Variants in PEX14 observed in about 807,000 individuals in gnomAD.
The protein encoded by PEX14 is peroxisomal biogenesis factor 14.
A neutral mutation model predicts 49.5 loss-of-function variants in PEX14; 15 were observed. The ratio of observed to expected loss-of-function variants is 0.30; its 90% confidence interval spans 0.20 to 0.47. PEX14 has a LOEUF of 0.47. Ranked by LOEUF, PEX14 falls within the 20% of genes least tolerant of loss-of-function variation. The probability of loss-of-function intolerance (pLI) is 1.00; values close to 1 mark genes in which losing one functional copy is unlikely to be tolerated. For missense variants in PEX14, 398 were observed against 494.8 expected (o/e 0.80, Z 1.86); for synonymous variants, 210 against 212.7 (o/e 0.99, Z 0.11).
intron 2 of PEX14, among the ~76,000 whole-genome samples, chr1:10,518,024 T>G (rs1642001894): frequency 6.6e-6 from 1 of 152,116 alleles, no homozygotes; most frequent in South Asian, 2.1e-4. Flanking sequence ...ATGTGAACCC[T>G]GAGTTACAAA....
intron 1 of PEX14, among the ~76,000 whole-genome samples, chr1:10,489,812 T>C (rs1376982915): frequency 1.3e-5 from 2 of 152,216 alleles, no homozygotes; most frequent in African/African-American, 4.8e-5. Flanking sequence ...GGGCCTGAAA[T>C]GTGTCTCCTG....
chr1:10,616,736 G>A (rs1263981149), intron 4 of PEX14: 1 of 152,262 alleles, frequency 6.6e-6, no homozygotes, highest in African/African-American at 2.4e-5. Context: ...AGCACTTTGT[G>A]AACTGGGCAT....
intron 3 of PEX14, among the ~76,000 whole-genome samples, chr1:10,579,549 CAAAGT>C (rs1267116358): frequency 6.6e-6 from 1 of 152,098 alleles, no homozygotes; most frequent in African/African-American, 2.4e-5. Context: ...AGGTTATTAA[CAAAGT>C]AAAGGAATAA....
chr1:10,585,595 G>A (rs1263762070), intron 3 of PEX14, among the ~76,000 whole-genome samples: 3 of 152,194 alleles, frequency 2.0e-5, no homozygotes, highest in East Asian at 3.9e-4. Context: ...CAAGAAACTC[G>A]GTAGTAATAC....
chr1:10,574,996 C>T (rs1640080346), intron 3 of PEX14, among the ~76,000 whole-genome samples: 1 of 151,474 alleles, frequency 6.6e-6, no homozygotes, highest in African/African-American at 2.4e-5. Flanking sequence ...CTTGTAGTCC[C>T]AGCTGTTCAG....
chr1:10,561,888 A>G (rs11121590), intron 3 of PEX14, among the ~76,000 whole-genome samples: 38 of 151,950 alleles, frequency 2.5e-4, no homozygotes, highest in African/African-American at 9.2e-4. Flanking sequence ...TTTGAGTGTT[A>G]TTATGTACTC....
chr1:10,509,839 TTTTACGC>T (rs1201094409), intron 2 of PEX14, among the ~76,000 whole-genome samples: 2 of 152,374 alleles, frequency 1.3e-5, no homozygotes, highest in Middle Eastern at 3.4e-3. Flanking sequence ...TATTTTATTC[TTTTACGC>T]TTTATTTTCC....
chr1:10,612,299 A>G lies in PEX14; in HGVS notation c.299-6033A>G, dbSNP rs556856052. ...CTATCAAAAATCAGTTGACCATGTAAGCATGGGTCTATTTCTGGACTCTTC... is the reference window on the plus strand; with the variant it reads ...CTATCAAAAATCAGTTGACCATGTAGGCATGGGTCTATTTCTGGACTCTTC... On this transcript the variant is annotated intron_variant, in intron 4 of 8. Coordinates refer to ENST00000356607, the MANE Select transcript of PEX14 (RefSeq NM_004565.3). 2.8e-4 allele frequency among the ~76,000 whole-genome samples: 43 copies of G among 152,182 alleles called. 1 individual carries two copies. The highest frequency in any genetic ancestry group is 4.3e-4 in the Non-Finnish European group (29 of 68,020).
At chr1:10,560,677 A>T (rs191870571) in intron 3 of PEX14, among the ~76,000 whole-genome samples, 1 of 146,074 alleles carries the variant, frequency 6.8e-6, no homozygotes, top group African/African-American at 2.5e-5. Context: ...AGCCTCCCAG[A>T]TACCTTTTAT....
intron 3 of PEX14, among the ~76,000 whole-genome samples, chr1:10,566,324 T>C (rs982450566): frequency 6.6e-6 from 1 of 152,268 alleles, no homozygotes; most frequent in Non-Finnish European, 1.5e-5. Context: ...ATTAGGAGAT[T>C]AATGTTTTAA....
At chr1:10,477,913 G>T (rs973425428) in intron 1 of PEX14, among the ~76,000 whole-genome samples, 1 of 152,084 alleles carries the variant, frequency 6.6e-6, no homozygotes, top group East Asian at 1.9e-4. Context: ...TTTTGAGACC[G>T]AGTCTCACTC....
intron 3 of PEX14, among the ~76,000 whole-genome samples, chr1:10,565,509 A>G (rs1392344502): frequency 1.3e-5 from 2 of 152,166 alleles, no homozygotes; most frequent in African/African-American, 4.8e-5. Flanking sequence ...AACTTTTACA[A>G]GCTATTTCAT....
intron 4 of PEX14, among the ~76,000 whole-genome samples, chr1:10,605,553 C>T (rs967340124): frequency 3.3e-5 from 5 of 152,220 alleles, no homozygotes; most frequent in African/African-American, 1.2e-4. Flanking sequence ...TCAAGGAAGA[C>T]ATCACTGTGG....
intron 3 of PEX14, among the ~76,000 whole-genome samples, chr1:10,563,196 G>A (rs534950538): frequency 1.1e-4 from 17 of 150,738 alleles, no homozygotes; most frequent in Middle Eastern, 3.5e-3. Flanking sequence ...GATTACAGGC[G>A]TGAGCCACGG....
intron 2 of PEX14, chr1:10,528,291 T>C (rs563487018): frequency 1.0e-6 from 1 of 983,380 alleles, no homozygotes; most frequent in South Asian, 4.7e-5. Flanking sequence ...AATCTCCATC[T>C]GGCCGAACTT....
chr1:10,477,962 T>C (rs1641224641), intron 1 of PEX14, among the ~76,000 whole-genome samples: 1 of 151,994 alleles, frequency 6.6e-6, no homozygotes, highest in Admixed American at 6.6e-5. Context: ...GATCTCGGCT[T>C]ACTGCAACCT....
In PEX14 at chr1:10,629,951, GC is replaced by G; in HGVS notation, c.1101del (p.Glu368ArgfsTer24). ...ACGAGCAGGTGGAGAAGCTGCGGCG[GC>G]CCGAGGGCGCCAGCAACGAGAGTGA... ...INEQVEKLRR[P>X]EGASNESERD is the part of the protein sequence containing the mutation. On this transcript the variant is annotated frameshift_variant, in exon 9 of 9. Coordinates refer to ENST00000356607, the MANE Select transcript of PEX14 (RefSeq NM_004565.3). LOFTEE classifies it high-confidence loss of function. The surrounding 1 kb of genome is among the most constrained non-coding windows in gnomAD (Gnocchi z 8.5). 2 of 1,611,238 alleles carry G rather than the reference GC, an allele frequency of 1.2e-6. No individual in the cohort carries two copies. The highest frequency in any genetic ancestry group is 1.7e-6 in the Non-Finnish European group (2 of 1,179,606).
At position 10,623,521 on chromosome 1, in the gene PEX14, G is replaced by A. The variant is rs1361472335; in HGVS notation, c.487+400G>A. On this transcript the variant is annotated intron_variant, in intron 6 of 8. Coordinates refer to ENST00000356607, the MANE Select transcript of PEX14 (RefSeq NM_004565.3). This position sits in a 1 kb window ranked among gnomAD's most constrained non-coding sequence, Gnocchi z 4.4. ...AGAGTCTGTAATTACTGTGGCTCCC[G>A]GGACCCCAGCCACCTCCCCTGTTAT... is the stretch of plus-strand genomic sequence containing the variant. Among the ~76,000 whole-genome samples, 2 of 152,018 alleles carry A rather than the reference G, an allele frequency of 1.3e-5. No homozygotes were observed. Among genetic ancestry groups the A allele is most frequent in the Non-Finnish European group, 2.9e-5 (2 of 68,016 alleles).
chr1:10,566,903 C>T (rs998385151), intron 3 of PEX14, among the ~76,000 whole-genome samples: 9 of 151,918 alleles, frequency 5.9e-5, no homozygotes, highest in African/African-American at 2.2e-4. Flanking sequence ...GATTCAAGTT[C>T]AGTTTTTTCC....
Sources: allele counts gnomAD v4.1 joint callset (sites outside exome capture counted in the v4.1 genomes callset), GRCh38; gene constraint gnomAD v4.1.1; non-coding constraint Gnocchi (gnomAD v3.1); transcripts MANE v1.5; gene names NCBI Gene and HGNC (gene_info 2026-07-23, HGNC 2026-07-21).